SMPD3: variants seen among roughly 807,000 people sequenced by gnomAD.
The protein encoded by SMPD3 is nSMase-2.
A neutral mutation model predicts 55.7 loss-of-function variants in SMPD3; 21 were observed. The ratio of observed to expected loss-of-function variants is 0.38; its 90% CI spans 0.27 to 0.54. The LOEUF (loss-of-function observed/expected upper bound fraction) is 0.54. Ranked by LOEUF, SMPD3 falls within the 20% of genes least tolerant of loss-of-function variation. SMPD3 has a pLI of 0.80. For synonymous variants in SMPD3, 457 were observed against 404.3 expected, an observed-to-expected ratio of 1.13 and a Z score of -1.56; for missense variants, 842 against 899.6, an observed-to-expected ratio of 0.94 and a Z score of 0.82.
At chr16:68,373,297 C>A (rs1033183686) in intron 2 of SMPD3, among the ~76,000 whole-genome samples, 2 of 152,242 alleles carry the variant, frequency 1.3e-5, no homozygotes, top group Non-Finnish European at 2.9e-5. Context: ...ACTCAGAGCT[C>A]CACCTAGGCA....
In SMPD3 at chr16:68,372,168, G is replaced by C. The variant is rs749539970; in HGVS notation, c.14C>G (p.Thr5Arg). MVLY[T>R]TPFPNSCLSA... is the part of the protein sequence containing the mutation. ...CAGACAGCTGTTAGGAAAGGGGGTC[G>C]TGTACAAAACCATCGCAGCTCACTG... is the stretch of plus-strand genomic sequence containing the variant. Residue 5 changes from threonine (T) to arginine (R), a missense_variant, in exon 3 of 9, where the codon ACG becomes AGG. Coordinates refer to ENST00000219334, the MANE Select transcript of SMPD3 (RefSeq NM_018667.4). 1 of 1,612,064 alleles carries C rather than the reference G, an allele frequency of 6.2e-7. No homozygotes were observed. The highest frequency in any genetic ancestry group is 8.5e-7 in the Non-Finnish European group (1 of 1,179,422).
At chr16:68,416,576 C>A (rs984414938) in intron 1 of SMPD3, among the ~76,000 whole-genome samples, 1 of 152,242 alleles carries the variant, frequency 6.6e-6, no homozygotes, top group Non-Finnish European at 1.5e-5. Flanking sequence ...TCTGCCTCGT[C>A]CTTGTATGCT....
chr16:68,396,235 G>C (rs528863616), intron 1 of SMPD3, among the ~76,000 whole-genome samples: 1 of 152,248 alleles, frequency 6.6e-6, no homozygotes, highest in Admixed American at 6.5e-5. Context: ...ATCCCCACCA[G>C]CAGCAGCTCT....
At position 68,371,941 on chromosome 16, in the gene SMPD3, C is replaced by T. The variant is rs1322914003; in HGVS notation, c.241G>A (p.Gly81Ser). The T allele has an allele frequency of 5.6e-6, 9 of 1,611,786 alleles. No homozygotes were observed. In the Admixed American group the frequency reaches 6.7e-5, roughly 12 times the overall value. ...LVASLPFAFL[G>S]FLFWSPLQSA... ...TGCAGTGGGGACCAGAAGAGAAAGC[C>T]GAGAAACGCAAAGGGCAGCGAGGCC... The change falls in exon 3 of 9, where the codon GGC becomes AGC. Residue 81 changes from glycine to serine, a missense_variant. Gly to Ser is a moderately conservative substitution (Grantham distance 56). Around this residue, in one of 2 missense-constraint regions of SMPD3, gnomAD observed 193 missense variants for 256.0 expected, o/e 0.75. Transcript: ENST00000219334.
At chr16:68,390,765 T>TCAAACAC (rs1026260308) in intron 1 of SMPD3, among the ~76,000 whole-genome samples, 5 of 152,202 alleles carry the variant, frequency 3.3e-5, no homozygotes, top group African/African-American at 1.2e-4. Context: ...GTTGCCCGGT[T>TCAAACAC]CAAACACCTC....
chr16:68,415,546 C>T (rs1043061369), intron 1 of SMPD3, among the ~76,000 whole-genome samples: 1 of 152,174 alleles, frequency 6.6e-6, no homozygotes, highest in Non-Finnish European at 1.5e-5. Context: ...CGTTAACCTA[C>T]GGCTTAAAAT....
At position 68,372,305 on chromosome 16, in the gene SMPD3, GC is replaced by G; in HGVS notation, c.-125del. The stretch of plus-strand genomic sequence containing the variant: ...AGGAGGGGTCACCTCCTGGCGAGAT[GC>G]AACTCCGGCTGGTCAATGGCGAATG... On this transcript the variant is annotated 5_prime_UTR_variant, in exon 3 of 9. It removes the in-frame stop codon of an upstream open reading frame in the 5' UTR. Transcript: ENST00000219334. The G allele has an allele frequency of 7.9e-7, 1 of 1,272,128 alleles. No homozygotes were observed. Among genetic ancestry groups the G allele is most frequent in the Non-Finnish European group, 1.1e-6 (1 of 914,894 alleles). The allele number at this position is 1,272,128 out of a possible 1,614,324, so 78.8% of individuals were successfully genotyped here.
intron 8 of SMPD3, 143 bp downstream of exon 8, chr16:68,361,460 C>T: frequency 7.2e-7 from 1 of 1,396,196 alleles, no homozygotes; most frequent in Non-Finnish European, 9.9e-7. Context: ...GGACCTGGGG[C>T]CCTAAGGGTC....
At chr16:68,407,488 GT>G (rs2152016043) in intron 1 of SMPD3, among the ~76,000 whole-genome samples, 1 of 152,098 alleles carries the variant, frequency 6.6e-6, no homozygotes, top group South Asian at 2.1e-4. Flanking sequence ...TGAGTCTATT[GT>G]TGTATTTTTA....
intron 1 of SMPD3, among the ~76,000 whole-genome samples, chr16:68,394,768 TG>T (rs1296281248): frequency 6.6e-6 from 1 of 152,238 alleles, no homozygotes; most frequent in Non-Finnish European, 1.5e-5. Context: ...AGACTTTTTT[TG>T]CTTGTTTGTT....
At chr16:68,419,391 G>A (rs4354926) in intron 1 of SMPD3, among the ~76,000 whole-genome samples, 115,520 of 152,156 alleles carry the variant, frequency 0.76, 44,197 homozygotes, top group East Asian at 0.87. Flanking sequence ...CAGCCAGTGC[G>A]GGAGAAACAG....
chr16:68,364,496 T>C, intron 5 of SMPD3: 1 of 492,592 alleles, frequency 2.0e-6, no homozygotes. Context: ...CTTTGTCTGC[T>C]TCAGAGGCCC....
At chr16:68,400,418 T>C (rs956211569) in intron 1 of SMPD3, among the ~76,000 whole-genome samples, 6 of 152,228 alleles carry the variant, frequency 3.9e-5, no homozygotes, top group African/African-American at 1.4e-4. Flanking sequence ...GAAATGGACC[T>C]AACCCTGTTA....
chr16:68,410,286 G>A (rs2090288796), intron 1 of SMPD3, among the ~76,000 whole-genome samples: 1 of 152,130 alleles, frequency 6.6e-6, no homozygotes, highest in African/African-American at 2.4e-5. Flanking sequence ...TCCCAGGGGA[G>A]GGAGGAGGTG....
At chr16:68,407,604 G>A (rs2090264690) in intron 1 of SMPD3, among the ~76,000 whole-genome samples, 1 of 151,922 alleles carries the variant, frequency 6.6e-6, no homozygotes, top group Non-Finnish European at 1.5e-5. Flanking sequence ...CAAAGTGATG[G>A]GATTACAGGT....
At chr16:68,361,488 T>G in intron 8 of SMPD3, 115 bp downstream of exon 8, 1 of 1,460,184 alleles carries the variant, frequency 6.8e-7, no homozygotes, top group Non-Finnish European at 9.3e-7. Flanking sequence ...GTGATGGGTA[T>G]CATTGTAAGA....
At chr16:68,361,971 C>T (rs1231337238) in intron 7 of SMPD3, among the ~76,000 whole-genome samples, 1 of 152,186 alleles carries the variant, frequency 6.6e-6, no homozygotes, top group Non-Finnish European at 1.5e-5. Flanking sequence ...ATCTGGGCTC[C>T]GGAGCCCGTC....
At chr16:68,368,156 C>T (rs1326640804) in intron 3 of SMPD3, 2 of 152,438 alleles carry the variant, frequency 1.3e-5, no homozygotes, top group African/African-American at 4.8e-5. Context: ...ACAGACAAGA[C>T]CCTGGGCACG....
intron 1 of SMPD3, among the ~76,000 whole-genome samples, chr16:68,394,051 C>T (rs942092485): frequency 6.6e-6 from 1 of 152,236 alleles, no homozygotes; most frequent in Admixed American, 6.5e-5. Flanking sequence ...TCAAAATTTA[C>T]ACTAGGAAAT....
Sources: gnomAD v4.1 joint callset for allele counts (sites outside exome capture counted in the v4.1 genomes callset) on GRCh38, gnomAD v4.1.1 for gene constraint, gnomAD v4.1.1 regional missense constraint, MANE v1.5 for transcripts, NCBI Gene and HGNC (gene_info 2026-07-23, HGNC 2026-07-21) for gene names.